ELF2: variants seen among roughly 807,000 people sequenced by gnomAD.
ELF2 encodes the protein E74 like ETS transcription factor 2.
A neutral mutation model predicts 54.8 loss-of-function variants in ELF2; 11 were observed. The observed-to-expected ratio is 0.20, with a 90% CI of 0.13 to 0.33. The LOEUF (loss-of-function observed/expected upper bound fraction) is 0.33, where lower values mean the gene tolerates loss of function less well. Ranked by LOEUF, ELF2 falls within the 10% of genes least tolerant of loss-of-function variation. The probability of loss-of-function intolerance (pLI) is 1.00; values close to 1 mark genes in which losing one functional copy is unlikely to be tolerated. For missense variants in ELF2, 513 were observed against 703.0 expected (o/e 0.73, Z 3.06); for synonymous variants, 203 against 245.1 (o/e 0.83, Z 1.61).
chr4:139,100,297 T>C (rs1373299810), intron 4 of ELF2: 1 of 151,298 alleles, frequency 6.6e-6, no homozygotes, highest in Admixed American at 6.6e-5. Context: ...TTTTGGGGGG[T>C]TGCTATTATT....
intron 4 of ELF2, among the ~76,000 whole-genome samples, chr4:139,095,677 T>C (rs981972870): frequency 1.3e-5 from 2 of 152,240 alleles, no homozygotes; most frequent in Non-Finnish European, 2.9e-5. Flanking sequence ...TTTGCCTTCC[T>C]ATTATGAATT....
At chr4:139,093,059 G>T (rs1055067523) in intron 4 of ELF2, among the ~76,000 whole-genome samples, 2 of 149,944 alleles carry the variant, frequency 1.3e-5, no homozygotes. Flanking sequence ...TCCGCCTCCC[G>T]GGTTCACGCC....
In ELF2 at chr4:139,143,981, G is replaced by A. The variant is rs555261172; in HGVS notation, c.-251-4484C>T. The stretch of plus-strand genomic sequence containing the variant: ...AAAAAATTCCCACCCTCCTCAAGAT[G>A]GCAGATTGGAGGTAGTATTGGCATG... On this transcript the variant is annotated intron_variant, in intron 1 of 9. Transcript: ENST00000686138. 3.3e-5 allele frequency among the ~76,000 whole-genome samples: 5 copies of A among 151,972 alleles called. No individual in the cohort carries two copies. The South Asian group carries it at 8.3e-4, about 25-fold the overall frequency.
At chr4:139,103,277 C>T (rs1315175490) in intron 4 of ELF2, among the ~76,000 whole-genome samples, 2 of 152,162 alleles carry the variant, frequency 1.3e-5, no homozygotes, top group Non-Finnish European at 2.9e-5. Context: ...AGTAAGTGTT[C>T]TTTTGTGTGC....
chr4:139,068,215 T>C (rs535677410), intron 6 of ELF2, among the ~76,000 whole-genome samples: 1 of 152,108 alleles, frequency 6.6e-6, no homozygotes, highest in South Asian at 2.1e-4. Context: ...AGAGACGGGG[T>C]TTCACCGTAT....
intron 1 of ELF2, among the ~76,000 whole-genome samples, chr4:139,151,031 A>AAGAAAAGAAAAGAAAAGAAAAGAAAAG (rs759953394): frequency 6.8e-5 from 8 of 118,340 alleles, no homozygotes; most frequent in African/African-American, 2.4e-4. Context: ...CTCAAAAAAA[A>AAGAAAAGAAAAGAAAAGAAAAGAAAAG]AAAAGAAAGA....
chr4:139,176,612 T>G (rs1222768248), intron 1 of ELF2, among the ~76,000 whole-genome samples: 1 of 151,952 alleles, frequency 6.6e-6, no homozygotes, highest in Non-Finnish European at 1.5e-5. Flanking sequence ...CGCGCAGAGA[T>G]GTAAACACGG....
In ELF2 at chr4:139,062,142, T is replaced by C. The variant is rs929538373; in HGVS notation, c.614-85A>G. 9 of 1,328,408 alleles carry C rather than the reference T, an allele frequency of 6.8e-6. No individual in the cohort carries two copies. The South Asian group carries it at 7.2e-5, about 11-fold the overall frequency. The allele number at this position is 1,328,408 out of a possible 1,614,324, so 82.3% of individuals were successfully genotyped here. A position where few individuals can be genotyped will look rare whatever the true frequency, so the allele number is the denominator to read the frequency against. On this transcript the variant is annotated intron_variant, in intron 7 of 9. Coordinates refer to ENST00000686138, the MANE Select transcript of ELF2 (RefSeq NM_001331036.3). ...AAAGCAAATAAAGTGTCCTTCATTGTATCATAAAAATCCTGAATATACTTG... is the reference window on the plus strand; with the variant it reads ...AAAGCAAATAAAGTGTCCTTCATTGCATCATAAAAATCCTGAATATACTTG...
chr4:139,157,899 C>T lies in ELF2; in HGVS notation c.-251-18402G>A, dbSNP rs527294542. ...CTCTGGATAAACTCGGGGCCAGTGG[C>T]GCAATGGATAACGCGTCTGACTACG... On this transcript the variant is annotated intron_variant, in intron 1 of 9. Coordinates refer to ENST00000686138, the MANE Select transcript of ELF2 (RefSeq NM_001331036.3). 6.6e-5 allele frequency among the ~76,000 whole-genome samples: 10 copies of T among 152,250 alleles called. No individual in the cohort carries two copies. The East Asian group carries it at 1.3e-3, about 21-fold the overall frequency.
At chr4:139,173,595 A>G (rs1578998946) in intron 1 of ELF2, among the ~76,000 whole-genome samples, 1 of 151,408 alleles carries the variant, frequency 6.6e-6, no homozygotes, top group East Asian at 2.0e-4. Flanking sequence ...CATCTCTACT[A>G]AAAATACAAA....
intron 1 of ELF2, among the ~76,000 whole-genome samples, chr4:139,174,788 A>G (rs1159431914): frequency 2.6e-5 from 4 of 152,222 alleles, no homozygotes; most frequent in African/African-American, 9.6e-5. Context: ...TGTCAGTTTT[A>G]TTCATTTTTC....
intron 4 of ELF2, chr4:139,084,341 G>T: frequency 6.5e-7 from 1 of 1,530,996 alleles, no homozygotes; most frequent in Non-Finnish European, 8.8e-7. Flanking sequence ...CCGGATCCTT[G>T]CGCGTCCTCC....
At chr4:139,175,077 C>G (rs1022050399) in intron 1 of ELF2, among the ~76,000 whole-genome samples, 9 of 152,260 alleles carry the variant, frequency 5.9e-5, no homozygotes, top group African/African-American at 1.9e-4. Context: ...AATTAATAAA[C>G]CCACCAAACT....
intron 3 of ELF2, 35 bp from the exon 4 acceptor site, chr4:139,125,364 G>T: frequency 1.3e-6 from 2 of 1,593,668 alleles, no homozygotes; most frequent in Non-Finnish European, 1.7e-6. Flanking sequence ...ATCAACCTTT[G>T]TATTTACAAA....
Position 139,083,181 on chromosome 4 carries a change from T to TG in ELF2, c.239-9615dup, listed in dbSNP as rs3840276. Reference sequence around the variant, plus strand: ...GGCGCTTCCGCTGTGGTGGGAGGTTTGGGGGGGGGTAGAGGGGAAGGGGGC... The same window carrying TG: ...GGCGCTTCCGCTGTGGTGGGAGGTTTGGGGGGGGGGTAGAGGGGAAGGGGGC... On this transcript the variant is annotated intron_variant, in intron 4 of 9. Coordinates refer to ENST00000686138, the MANE Select transcript of ELF2 (RefSeq NM_001331036.3). Among the ~76,000 whole-genome samples, 537 of 139,380 alleles carry TG rather than the reference T, an allele frequency of 3.9e-3. 2 individuals are homozygous for TG. Among genetic ancestry groups the TG allele is most frequent in the Middle Eastern group, 7.2e-3 (2 of 276 alleles). 91.4% of individuals were successfully genotyped at this position (139,380 alleles called of 152,430 possible).
chr4:139,087,455 TTTTTTGTTTTTG>T (rs546823996), intron 4 of ELF2, among the ~76,000 whole-genome samples: 206 of 152,260 alleles, frequency 1.4e-3, no homozygotes, highest in Middle Eastern at 3.4e-3. Context: ...ACAAACACGT[TTTTTTGTTTTTG>T]TTTTTGTTTT....
chr4:139,076,287 G>T (rs964324926), intron 4 of ELF2, among the ~76,000 whole-genome samples: 1 of 152,142 alleles, frequency 6.6e-6, no homozygotes, highest in African/African-American at 2.4e-5. Context: ...AGGTGACCCT[G>T]CTTACTCTTA....
intron 1 of ELF2, among the ~76,000 whole-genome samples, chr4:139,157,343 T>TAC (rs924725370): frequency 9.2e-5 from 14 of 152,264 alleles, no homozygotes; most frequent in African/African-American, 3.1e-4. Context: ...CTCTCTCTTA[T>TAC]ACACACACAC....
At chr4:139,123,572 T>C (rs1032964360) in intron 4 of ELF2, among the ~76,000 whole-genome samples, 5 of 152,224 alleles carry the variant, frequency 3.3e-5, no homozygotes, top group Non-Finnish European at 7.3e-5. Flanking sequence ...ATAATAAGAT[T>C]CAACCAATCT....
Sources: allele counts gnomAD v4.1 joint callset (sites outside exome capture counted in the v4.1 genomes callset), GRCh38; gene constraint gnomAD v4.1.1; transcripts MANE v1.5; gene names NCBI Gene and HGNC (gene_info 2026-07-23, HGNC 2026-07-21).